FCGRT: variants seen among roughly 807,000 people sequenced by gnomAD.
FCGRT encodes Fc gamma receptor and transporter.
Under a neutral mutation model 35.7 loss-of-function variants are expected in FCGRT, and 13 were observed. The observed-to-expected ratio is 0.36, with a 90% CI of 0.24 to 0.58. The LOEUF (loss-of-function observed/expected upper bound fraction) is 0.58, where lower values mean the gene tolerates loss of function less well. FCGRT is among the 20% of genes least tolerant of loss of function. The pLI is 0.77. For missense variants in FCGRT, 455 were observed against 474.9 expected (o/e 0.96, Z 0.39); for synonymous variants, 233 against 216.5 (o/e 1.08, Z -0.67).
At chr19:49,517,525 G>GAGAGAA (rs1193245470) in intron 4 of FCGRT, among the ~76,000 whole-genome samples, 1 of 149,846 alleles carries the variant, frequency 6.7e-6, no homozygotes, top group African/African-American at 2.5e-5. Flanking sequence ...AGGAGAGGGA[G>GAGAGAA]AGAGAAAGAG....
Position 49,514,153 on chromosome 19 carries a change from G to A in FCGRT, c.325+20G>A, listed in dbSNP as rs764011299. On this transcript the variant is annotated intron_variant, in intron 3 of 6. Coordinates refer to ENST00000221466, the MANE Select transcript of FCGRT (RefSeq NM_001136019.3). Reference sequence around the variant, plus strand: ...GAAAAGGTGAGATTCCGGTCTGGAGGGGCAAGGGGCCGGGTCCATGCTCCG... The same window carrying A: ...GAAAAGGTGAGATTCCGGTCTGGAGAGGCAAGGGGCCGGGTCCATGCTCCG... 1.3e-5 allele frequency: 21 copies of A among 1,612,318 alleles called. No homozygotes were observed. In the Admixed American group the frequency reaches 3.5e-4, roughly 27 times the overall value.
intron 1 of FCGRT, chr19:49,513,066 C>A (rs1228246561): frequency 6.8e-6 from 1 of 147,240 alleles, no homozygotes; most frequent in Non-Finnish European, 1.3e-5. Flanking sequence ...GGCCCGGACT[C>A]CTGGGTCCGA....
At chr19:49,522,725 C>T (rs918241239) in intron 4 of FCGRT, among the ~76,000 whole-genome samples, 1 of 150,776 alleles carries the variant, frequency 6.6e-6, no homozygotes. Context: ...AGCCACCACA[C>T]CTGTCCTGAA....
At position 49,524,744 on chromosome 19, in the gene FCGRT, C is replaced by A; in HGVS notation, c.839C>A (p.Ala280Glu). The A allele has an allele frequency of 6.2e-7, 1 of 1,601,026 alleles. No homozygotes were observed. The highest frequency in any genetic ancestry group is 8.5e-7 in the Non-Finnish European group (1 of 1,179,646). The change falls in exon 5 of 7, where the codon GCG (alanine) becomes GAG (glutamate). Residue 280 changes from alanine (A) to glutamate (E), a missense_variant. Transcript: ENST00000221466. The stretch of plus-strand genomic sequence containing the variant: ...CACTACTGCTGCATTGTGCAGCACG[C>A]GGGGCTGGCGCAGCCCCTCAGGGTG... ...EHHYCCIVQH[A>E]GLAQPLRVEL...
At chr19:49,520,752 A>G (rs1387396374) in intron 4 of FCGRT, 1 of 152,276 alleles carries the variant, frequency 6.6e-6, no homozygotes, top group Non-Finnish European at 1.5e-5. Context: ...GGCTGTGAGC[A>G]CGACACAGGA....
Position 49,513,986 on chromosome 19 carries a change from A to G in FCGRT, c.178A>G (p.Ser60Gly). 1 of 1,613,654 alleles carries G rather than the reference A, an allele frequency of 6.2e-7. No individual in the cohort carries two copies. Among genetic ancestry groups the G allele is most frequent in the African/African-American group, 1.3e-5 (1 of 74,916 alleles). ...CTGGCTGGGCCCGCAGCAGTACCTG[A>G]GCTACAATAGCCTGCGGGGCGAGGC... ...SGWLGPQQYLSYNSLRGEAEP... is the reference protein window; with the variant it reads ...SGWLGPQQYLGYNSLRGEAEP... Residue 60 changes from serine to glycine, a missense_variant, in exon 3 of 7, where the codon AGC becomes GGC. This residue lies in a region of FCGRT where 136 missense variants were observed against 158.9 expected (regional missense o/e 0.86). Transcript: ENST00000221466.
intron 6 of FCGRT, 96 bp downstream of exon 6, chr19:49,525,669 GA>G: frequency 5.9e-6 from 5 of 847,312 alleles, no homozygotes; most frequent in Non-Finnish European, 9.7e-6. Flanking sequence ...AGAGAGGGGG[GA>G]CAGAGATCAG....
rs139316391 is a variant in FCGRT at position 49,513,714 on chromosome 19, G to GTCTCTCTCTCTCTCTCTC, written c.74-155_74-154insCTCTCTCTCTCTCTCTCT. On this transcript the variant is annotated intron_variant, in intron 2 of 6. Transcript: ENST00000221466. ...GTCCCCCTCTCTTTCTGGGTCTCTT[G>GTCTCTCTCTCTCTCTCTC]TCTCTCTCTCTCTGGGTCTCTGTCC... 1.3e-3 allele frequency: 676 copies of GTCTCTCTCTCTCTCTCTC among 532,188 alleles called. 29 individuals are homozygous for GTCTCTCTCTCTCTCTCTC. The African/African-American group carries it at 0.016, about 13-fold the overall frequency. The allele number at this position is 532,188 out of a possible 1,614,324, so 33.0% of individuals were successfully genotyped here.
At chr19:49,520,350 T>C (rs947612400) in intron 4 of FCGRT, among the ~76,000 whole-genome samples, 1 of 150,498 alleles carries the variant, frequency 6.6e-6, no homozygotes, top group African/African-American at 2.4e-5. Context: ...GGATGGATTT[T>C]TTTTTTTTTT....
chr19:49,525,933 A>G, intron 6 of FCGRT, 77 bp from the exon 7 acceptor site: 3 of 882,336 alleles, frequency 3.4e-6, no homozygotes, highest in South Asian at 1.3e-5. Context: ...TGAGACACAC[A>G]CACAAATGGG....
At chr19:49,516,283 C>T (rs1056160872) in intron 4 of FCGRT, 37 of 401,162 alleles carry the variant, frequency 9.2e-5, no homozygotes, top group Admixed American at 4.4e-4. Flanking sequence ...GCTCTTGTCG[C>T]CCAGGCTGGA....
intron 4 of FCGRT, among the ~76,000 whole-genome samples, chr19:49,522,759 C>CCT (rs1481142485): frequency 7.0e-6 from 1 of 141,946 alleles, no homozygotes; most frequent in East Asian, 2.1e-4. Flanking sequence ...GAGACATTGG[C>CCT]CTTAAGCTCT....
chr19:49,524,813 C>G (rs374439544), intron 5 of FCGRT, 37 bp downstream of exon 5: 1 of 1,583,440 alleles, frequency 6.3e-7, no homozygotes, highest in Non-Finnish European at 8.5e-7. Context: ...CCTGGTTTCC[C>G]GTTGCCTTGT....
In FCGRT at chr19:49,513,747, C is replaced by A. The variant is rs931027866; in HGVS notation, c.74-135C>A. 4.1e-4 allele frequency: 130 copies of A among 320,332 alleles called. 5 individuals carry two copies. Among genetic ancestry groups the A allele is most frequent in the Middle Eastern group, 1.0e-3 (1 of 982 alleles). The allele number at this position is 320,332 out of a possible 1,614,324, so 19.8% of individuals were successfully genotyped here. On this transcript the variant is annotated intron_variant, in intron 2 of 6. Transcript: ENST00000221466. ...CTCTCTGGGTCTCTGTCCCCCCCCC[C>A]CCGGGTTTCTGTCCCCTCTCTCTGA...
chr19:49,518,893 G>A (rs1386938194), intron 4 of FCGRT, among the ~76,000 whole-genome samples: 2 of 149,394 alleles, frequency 1.3e-5, no homozygotes, highest in South Asian at 2.1e-4. Context: ...CCCAGGCTGG[G>A]GTGCAGTGGC....
In FCGRT at chr19:49,520,130, C is replaced by CTTTT. The variant is rs952631701; in HGVS notation, c.602-4362_602-4359dup. Among the ~76,000 whole-genome samples, 8 of 99,514 alleles carry CTTTT rather than the reference C, an allele frequency of 8.0e-5. No individual in the cohort carries two copies. The East Asian group carries it at 1.2e-3, about 15-fold the overall frequency. 65.3% of individuals were successfully genotyped at this position (99,514 alleles called of 152,430 possible). ...ACAGGCGTGAGCCACCGCGCCCGGG[C>CTTTT]TTTTTTTTTTTTTTTTTTGAGAGGG... On this transcript the variant is annotated intron_variant, in intron 4 of 6. Transcript: ENST00000221466.
In FCGRT at chr19:49,513,456, C is replaced by A; in HGVS notation, c.56C>A (p.Pro19His). The change falls in exon 2 of 7, where the codon CCT (proline) becomes CAT (histidine). Residue 19 changes from proline (P) to histidine (H), a missense_variant. By Grantham distance (77) the Pro-to-His change is moderately conservative. Around this residue, in one of 3 missense-constraint regions of FCGRT, gnomAD observed 136 missense variants for 158.9 expected, o/e 0.86. Transcript: ENST00000221466. Reference sequence around the variant, plus strand: ...CTGGGGCTCCTGCTCTTTCTCCTTCCTGGGAGCCTGGGCGCAGGTGAGGGC... The same window carrying A: ...CTGGGGCTCCTGCTCTTTCTCCTTCATGGGAGCCTGGGCGCAGGTGAGGGC... ...WALGLLLFLL[P>H]GSLGAESHLS... The A allele has an allele frequency of 8.0e-7, 1 of 1,244,402 alleles. No individual in the cohort carries two copies. Among genetic ancestry groups the A allele is most frequent in the Non-Finnish European group, 1.0e-6 (1 of 988,242 alleles). 77.1% of individuals were successfully genotyped at this position (1,244,402 alleles called of 1,614,324 possible).
intron 4 of FCGRT, among the ~76,000 whole-genome samples, chr19:49,518,582 G>A (rs1017699870): frequency 6.6e-5 from 10 of 152,256 alleles, no homozygotes; most frequent in Admixed American, 2.6e-4. Flanking sequence ...CGCCCAGACT[G>A]GAGTGCAGAG....
chr19:49,523,528 A>C (rs2080054457), intron 4 of FCGRT, among the ~76,000 whole-genome samples: 1 of 152,124 alleles, frequency 6.6e-6, no homozygotes, highest in South Asian at 2.1e-4. Context: ...AGATCGTGCC[A>C]CTGCACTCCA....
Sources: gnomAD v4.1 joint callset for allele counts (sites outside exome capture counted in the v4.1 genomes callset) on GRCh38, gnomAD v4.1.1 for gene constraint, gnomAD v4.1.1 regional missense constraint, MANE v1.5 for transcripts, NCBI Gene and HGNC (gene_info 2026-07-23, HGNC 2026-07-21) for gene names.